Variants in ATP7B observed in about 807,000 individuals in gnomAD.
ATP7B encodes copper-transporting ATPase 2.
Under a neutral mutation model 118.9 loss-of-function variants are expected in ATP7B, and 113 were observed. That is an observed-to-expected ratio of 0.95 (90% CI 0.82 to 1.11). The LOEUF is 1.11. Among genes scored for constraint, ATP7B ranks in the 50% most tolerant of loss-of-function variants. The pLI is 0.00. For missense variants in ATP7B, 1,867 were observed against 1,871.4 expected (o/e 1.00, Z 0.04); for synonymous variants, 777 against 727.4 (o/e 1.07, Z -1.10).
chr13:52,002,702 C>T (rs1953568462), intron 1 of ATP7B, among the ~76,000 whole-genome samples: 1 of 143,784 alleles, frequency 7.0e-6, no homozygotes, highest in Non-Finnish European at 1.5e-5. Context: ...ACAGGCATCT[C>T]TCAGAGATAT....
At chr13:52,011,568 C>A (rs1047767095), upstream of ATP7B, 2 of 627,842 alleles carry the variant, frequency 3.2e-6, no homozygotes, top group East Asian at 5.6e-5. Context: ...CGCCGCCGTC[C>A]TCCCGACCTG....
chr13:52,011,345 C>T lies in ATP7B; in HGVS notation c.-8G>A, dbSNP rs1214259087. 6.2e-7 allele frequency: 1 copy of T among 1,614,202 alleles called. No homozygotes were observed. The highest frequency in any genetic ancestry group is 8.5e-7 in the Non-Finnish European group (1 of 1,180,012). On this transcript the variant is annotated 5_prime_UTR_variant, in exon 1 of 21. Transcript: ENST00000242839. ...TCTCTCCTGCTCAGGCATCGTCCCG[C>T]ACGGACACCGAATTCTTCTCTGATC...
upstream of ATP7B, chr13:52,011,928 G>C (rs778188834): frequency 2.1e-5 from 6 of 289,734 alleles, no homozygotes; most frequent in Non-Finnish European, 4.0e-5. Flanking sequence ...CGTCGGGTCC[G>C]CTCTGCGCTG....
intron 1 of ATP7B, among the ~76,000 whole-genome samples, chr13:52,004,039 C>A (rs1949030123): frequency 6.6e-6 from 1 of 152,058 alleles, no homozygotes; most frequent in Non-Finnish European, 1.5e-5. Context: ...GGGCGGATTA[C>A]CTGAGGTCAG....
At chr13:51,997,255 A>T (rs2140457987) in intron 1 of ATP7B, among the ~76,000 whole-genome samples, 1 of 152,348 alleles carries the variant, frequency 6.6e-6, no homozygotes. Context: ...TAGATTTTTT[A>T]AAAATTTTGT....
rs1951677996 is a variant in ATP7B, at chr13:51,968,460, C to T, written c.1691G>A (p.Gly564Asp). The change falls in exon 4 of 21, where the codon GGC becomes GAC. Residue 564 changes from glycine to aspartate, a missense_variant. Coordinates refer to ENST00000242839, the MANE Select transcript of ATP7B (RefSeq NM_000053.4). ...AVMEDYAGSD[G>D]NIELTITGMT... ...AGTACTTACTGTCAGCTCAATGTTG[C>T]CATCGGAGCCTGCGTAGTCCTCCAT... is the stretch of plus-strand genomic sequence containing the variant. The T allele has an allele frequency of 6.2e-7, 1 of 1,614,192 alleles. No homozygotes were observed. Among genetic ancestry groups the T allele is most frequent in the East Asian group, 2.2e-5 (1 of 44,884 alleles).
In ATP7B at chr13:51,944,229, C is replaced by G. The variant is rs1192564410; in HGVS notation, c.3123G>C (p.Arg1041=). 6 of 1,614,012 alleles carry G rather than the reference C, an allele frequency of 3.7e-6. No individual in the cohort carries two copies. Among genetic ancestry groups the G allele is most frequent in the Non-Finnish European group, 5.1e-6 (6 of 1,180,032 alleles). The part of the protein sequence containing the change: ...TITHGVPRVM[R]VLLLGDVATL... The stretch of plus-strand genomic sequence containing the variant: ...TGGCCACATCCCCCAGCAGGAGCAC[C>G]CGCATGACCCTGGGGACGCCATGGG... Residue 1041 remains arginine, a synonymous_variant, in exon 14 of 21, where the codon CGG becomes CGC. Transcript: ENST00000242839.
At chr13:51,967,500 C>G (rs1007169689) in intron 4 of ATP7B, among the ~76,000 whole-genome samples, 5 of 152,224 alleles carry the variant, frequency 3.3e-5, no homozygotes, top group Non-Finnish European at 5.9e-5. Flanking sequence ...GACCCTGCCC[C>G]TCTTGTTGGG....
chr13:51,974,937 G>T lies in ATP7B; in HGVS notation c.283C>A (p.Gln95Lys), dbSNP rs756929892. 1.9e-6 allele frequency: 3 copies of T among 1,614,196 alleles called. No homozygotes were observed. The East Asian group carries it at 6.7e-5, about 36-fold the overall frequency. ...ACATATTTCACAGTGGCACTGCCTT[G>T]TTCCAGGGAAACCTTCATGCTGATG... is the stretch of plus-strand genomic sequence containing the variant. ...GIISMKVSLEQGSATVKYVPS... is the reference protein window; with the variant it reads ...GIISMKVSLEKGSATVKYVPS... Residue 95 changes from glutamine to lysine, a missense_variant, in exon 2 of 21, where the codon CAA becomes AAA. Physicochemically the swap from Gln to Lys is moderately conservative, Grantham distance 53 (BLOSUM62 1). Transcript: ENST00000242839.
At chr13:51,941,447 C>T (rs887135792) in intron 15 of ATP7B, among the ~76,000 whole-genome samples, 3 of 151,832 alleles carry the variant, frequency 2.0e-5, no homozygotes, top group Non-Finnish European at 2.9e-5. Flanking sequence ...ATAGTACATG[C>T]TACATGGGTG....
intron 19 of ATP7B, among the ~76,000 whole-genome samples, chr13:51,936,661 G>A (rs1956982809): frequency 6.6e-6 from 1 of 152,068 alleles, no homozygotes; most frequent in Non-Finnish European, 1.5e-5. Flanking sequence ...ACTCCCAGAT[G>A]GGACTAAGGT....
chr13:51,978,999 A>C (rs1052032093), intron 1 of ATP7B: 1 of 152,270 alleles, frequency 6.6e-6, no homozygotes, highest in Admixed American at 6.5e-5. Context: ...GTTGGCAGGG[A>C]CCCGGTTCTC....
intron 4 of ATP7B, 118 bp downstream of exon 4, chr13:51,968,326 C>G: frequency 6.8e-7 from 1 of 1,463,836 alleles, no homozygotes; most frequent in South Asian, 1.2e-5. Context: ...ACAAAATACC[C>G]AACAACAACA....
intron 1 of ATP7B, among the ~76,000 whole-genome samples, chr13:51,988,801 C>G (rs1213072845): frequency 6.7e-6 from 1 of 149,686 alleles, no homozygotes; most frequent in Non-Finnish European, 1.5e-5. Context: ...CAAACTAACA[C>G]AAGAACAGAA....
At chr13:51,973,470 G>A (rs1258478528) in intron 2 of ATP7B, among the ~76,000 whole-genome samples, 1 of 152,116 alleles carries the variant, frequency 6.6e-6, no homozygotes. Context: ...ATGGATTAAT[G>A]GGTTATCACA....
rs777504965 is a variant in ATP7B at position 51,975,087 on chromosome 13, C to T, written c.133G>A (p.Glu45Lys). 23 of 1,614,264 alleles carry T rather than the reference C, an allele frequency of 1.4e-5. No individual in the cohort carries two copies. The highest frequency in any genetic ancestry group is 3.3e-4 in the Middle Eastern group (2 of 6,062). ...GGGCCCAGGCCATCCAGACCACCTTCATAGCCAACATTGTCAAAAGCAAAA... is the reference window on the plus strand; with the variant it reads ...GGGCCCAGGCCATCCAGACCACCTTTATAGCCAACATTGTCAAAAGCAAAA... Reference protein sequence around the residue: ...KSFAFDNVGYEGGLDGLGPSS... With the variant: ...KSFAFDNVGYKGGLDGLGPSS... Residue 45 changes from glutamate to lysine, a missense_variant, in exon 2 of 21, where the codon GAA (glutamate) becomes AAA (lysine). By Grantham distance (56) the Glu-to-Lys change is moderately conservative. Transcript: ENST00000242839.
chr13:51,949,840 G>T, intron 11 of ATP7B, 44 bp from the exon 12 acceptor site: 1 of 1,613,604 alleles, frequency 6.2e-7, no homozygotes, highest in Non-Finnish European at 8.5e-7. Context: ...TACAACCTAT[G>T]AAGAAATAAA....
At position 51,950,098 on chromosome 13, in the gene ATP7B, T is replaced by C. The variant is rs1159119797; in HGVS notation, c.2639A>G (p.His880Arg). ...STVIAGSINA[H>R]GSVLIKATHV... is the part of the protein sequence containing the mutation. ...GGTAGCTTTAATGAGCACAGAGCCA[T>C]GTGCATTTATAGACCCCGCAATTAC... The change falls in exon 11 of 21, where the codon CAT becomes CGT. Residue 880 changes from histidine (H) to arginine (R), a missense_variant. His to Arg is a conservative substitution (Grantham distance 29). Transcript: ENST00000242839. 13 of 1,614,190 alleles carry C rather than the reference T, an allele frequency of 8.1e-6. No homozygotes were observed. The highest frequency in any genetic ancestry group is 4.5e-5 in the East Asian group (2 of 44,890).
chr13:51,973,087 C>G (rs140583679), intron 2 of ATP7B, among the ~76,000 whole-genome samples: 2 of 152,112 alleles, frequency 1.3e-5, no homozygotes, highest in African/African-American at 4.8e-5. Context: ...TTATATTCAT[C>G]AAACAGGGAG....
Sources: gnomAD v4.1 joint callset for allele counts (sites outside exome capture counted in the v4.1 genomes callset) on GRCh38, gnomAD v4.1.1 for gene constraint, MANE v1.5 for transcripts, NCBI Gene and HGNC (gene_info 2026-07-23, HGNC 2026-07-21) for gene names.